TSBP1: variants seen among roughly 807,000 people sequenced by gnomAD.
The protein encoded by TSBP1 is testis-expressed basic protein 1.
In TSBP1, 56 loss-of-function variants were observed where a neutral mutation model predicts 68.8. The ratio of observed to expected loss-of-function variants is 0.81; its 90% CI spans 0.66 to 1.02. TSBP1 has a LOEUF of 1.02. Among genes scored for constraint, TSBP1 ranks in the 50% least tolerant of loss-of-function variants. The probability of loss-of-function intolerance (pLI) is 0.00; values close to 1 mark genes in which losing one functional copy is unlikely to be tolerated. For synonymous variants in TSBP1, 171 were observed against 208.7 expected, an observed-to-expected ratio of 0.82 and a Z score of 1.56; for missense variants, 502 against 641.2, an observed-to-expected ratio of 0.78 and a Z score of 2.34.
Position 32,321,155 on chromosome 6 carries a change from T to A in TSBP1, c.559+1962A>T, listed in dbSNP as rs544100. ...GTTCTGTGTTTAACATAACTGTGCA[T>A]GTGTCTTTATGATAGAATGGTTTAT... On this transcript the variant is annotated intron_variant, in intron 18 of 22. Coordinates refer to ENST00000612031, the Ensembl canonical transcript of TSBP1. This position sits in a 1 kb window ranked among gnomAD's most constrained non-coding sequence, Gnocchi z 4.3. Among the ~76,000 whole-genome samples the A allele has an allele frequency of 0.33, 50,926 of 152,090 alleles. 9,633 individuals carry two copies. The highest frequency in any genetic ancestry group is 0.52 in the Middle Eastern group (153 of 294).
intron 22 of TSBP1, 149 bp from the exon 26 acceptor site, chr6:32,294,184 C>G (rs772301175): frequency 2.4e-6 from 2 of 821,184 alleles, no homozygotes; most frequent in Non-Finnish European, 4.0e-6. Context: ...TGATGGTTCT[C>G]TGTACATAAA....
At chr6:32,299,333 G>A (rs373589755) in intron 22 of TSBP1, among the ~76,000 whole-genome samples, 55 of 152,304 alleles carry the variant, frequency 3.6e-4, no homozygotes, top group Admixed American at 7.2e-4. Context: ...AATACCTACT[G>A]TCTTTCAAAG....
intron 19 of TSBP1, among the ~76,000 whole-genome samples, chr6:32,307,994 C>T (rs1183677700): frequency 3.3e-5 from 5 of 151,756 alleles, no homozygotes; most frequent in African/African-American, 9.7e-5. Context: ...AGGTGGGTCT[C>T]GAACTCCTGA....
chr6:32,330,869 C>T (rs1288927070), intron 15 of TSBP1, among the ~76,000 whole-genome samples: 3 of 152,042 alleles, frequency 2.0e-5, no homozygotes, highest in Non-Finnish European at 4.4e-5. Flanking sequence ...TGGGGTTTCA[C>T]CATGTTGGCC....
At chr6:32,297,923 A>G (rs1012053773) in intron 22 of TSBP1, among the ~76,000 whole-genome samples, 1 of 152,126 alleles carries the variant, frequency 6.6e-6, no homozygotes, top group Non-Finnish European at 1.5e-5. Context: ...AAAACAATCA[A>G]TTGGGAAAAA....
intron 15 of TSBP1, among the ~76,000 whole-genome samples, chr6:32,331,632 C>T (rs1265422302): frequency 6.6e-6 from 1 of 152,174 alleles, no homozygotes. Flanking sequence ...AGGAACACTA[C>T]ATTCTGCAGG....
exon 23 of TSBP1, chr6:32,293,437 C>T: frequency 1.9e-6 from 3 of 1,612,618 alleles, no homozygotes; most frequent in Non-Finnish European, 2.5e-6. Context: ...TCTTCTCTAC[C>T]TGGGCTTCCT....
chr6:32,323,118 T>C (rs747600840), exon 18 of TSBP1: 1 of 1,578,974 alleles, frequency 6.3e-7, no homozygotes, highest in Non-Finnish European at 8.7e-7. Context: ...TATACTTACT[T>C]ATGGGTGCCA....
At chr6:32,360,883 C>T (rs987135315) in intron 6 of TSBP1, among the ~76,000 whole-genome samples, 1 of 150,302 alleles carries the variant, frequency 6.7e-6, no homozygotes. Context: ...TTCTCTCTCT[C>T]TTTTTTTTTA....
intron 21 of TSBP1, 24 bp downstream of exon 24, chr6:32,300,656 G>T (rs748236130): frequency 6.2e-7 from 1 of 1,611,010 alleles, no homozygotes; most frequent in Non-Finnish European, 8.5e-7. Context: ...AAATAGGTAA[G>T]GCAAGGAAAT....
intron 19 of TSBP1, among the ~76,000 whole-genome samples, chr6:32,309,868 C>G (rs1405607565): frequency 6.6e-6 from 1 of 152,076 alleles, no homozygotes; most frequent in African/African-American, 2.4e-5. Context: ...TATTTTTGTA[C>G]CTATTAACCA....
At position 32,324,802 on chromosome 6, in the gene TSBP1, G is replaced by T; in HGVS notation, c.515-1188C>A. 4 of 1,352,924 alleles carry T rather than the reference G, an allele frequency of 3.0e-6. No homozygotes were observed. The South Asian group carries it at 5.5e-5, about 19-fold the overall frequency. 83.8% of individuals were successfully genotyped at this position (1,352,924 alleles called of 1,614,324 possible). On this transcript the variant is annotated intron_variant, in intron 16 of 22. Coordinates refer to ENST00000612031, the Ensembl canonical transcript of TSBP1. ...TTGAACATTTTTTTTTTTAATCAAA[G>T]GCACTAGAAATTTCCAGAAAACTAA...
chr6:32,355,007 T>C (rs1390510605), intron 8 of TSBP1, 117 bp downstream of exon 8: 2 of 732,994 alleles, frequency 2.7e-6, no homozygotes, highest in African/African-American at 1.8e-5. Flanking sequence ...GATATACAAG[T>C]GTTAATTATT....
intron 19 of TSBP1, among the ~76,000 whole-genome samples, chr6:32,307,424 A>G: frequency 6.6e-6 from 1 of 151,974 alleles, no homozygotes; most frequent in East Asian, 1.9e-4. Flanking sequence ...AATGTGATTT[A>G]TATTATGTTG....
At chr6:32,359,243 C>T (rs959023690) in intron 6 of TSBP1, among the ~76,000 whole-genome samples, 33 of 152,112 alleles carry the variant, frequency 2.2e-4, no homozygotes, top group African/African-American at 2.4e-5. Context: ...AATGGTTGAA[C>T]TAGTTTACAG....
chr6:32,319,377 T>G, intron 18 of TSBP1, among the ~76,000 whole-genome samples: 1 of 152,202 alleles, frequency 6.6e-6, no homozygotes, highest in Non-Finnish European at 1.5e-5. Flanking sequence ...CTACTTGCCC[T>G]CTTGAGCCCT....
At chr6:32,305,376 T>C (rs1474369986) in intron 19 of TSBP1, among the ~76,000 whole-genome samples, 1 of 152,164 alleles carries the variant, frequency 6.6e-6, no homozygotes, top group African/African-American at 2.4e-5. Flanking sequence ...CACATCTTAG[T>C]CACAGATTAG....
intron 16 of TSBP1, 126 bp downstream of exon 17, chr6:32,330,463 C>A: frequency 1.3e-6 from 1 of 788,466 alleles, no homozygotes. Context: ...AGCATAAAAA[C>A]ATGTGTAAAA....
rs1765551300 is a variant in TSBP1, at chr6:32,304,053, C to G, written c.581-1424G>C. On this transcript the variant is annotated intron_variant, in intron 19 of 22. Coordinates refer to ENST00000612031, the Ensembl canonical transcript of TSBP1. The surrounding 1 kb of genome is among the most constrained non-coding windows in gnomAD (Gnocchi z 4.8). ...CTGGCTTCTCTTTTGCAACTTAACT[C>G]TCTAACCAGAAGAACAAATTGATTT... is the stretch of plus-strand genomic sequence containing the variant. 6.6e-6 allele frequency among the ~76,000 whole-genome samples: 1 copy of G among 152,146 alleles called. No homozygotes were observed.
Sources: gnomAD v4.1 joint callset for allele counts (sites outside exome capture counted in the v4.1 genomes callset) on GRCh38, gnomAD v4.1.1 for gene constraint, Gnocchi (gnomAD v3.1) non-coding constraint, MANE v1.5 for transcripts, NCBI Gene and HGNC (gene_info 2026-07-23, HGNC 2026-07-21) for gene names.